The following LNX1 variants were observed in gnomAD, a reference collection of about 807,000 sequenced individuals.
The protein encoded by LNX1 is ligand of numb-protein X 1.
In LNX1, 54 loss-of-function variants were observed where a neutral mutation model predicts 68.4. That is an observed-to-expected ratio of 0.79 (90% CI 0.63 to 0.99). The LOEUF is 0.99. Ranked by LOEUF, LNX1 falls within the 50% of genes least tolerant of loss-of-function variation. The pLI is 0.00. For synonymous variants in LNX1, 336 were observed against 350.0 expected, an observed-to-expected ratio of 0.96 and a Z score of 0.45; for missense variants, 906 against 926.4, an observed-to-expected ratio of 0.98 and a Z score of 0.29.
intron 2 of LNX1, among the ~76,000 whole-genome samples, chr4:53,571,509 C>T (rs1433788922): frequency 1.3e-5 from 2 of 151,818 alleles, no homozygotes; most frequent in South Asian, 2.1e-4. Flanking sequence ...GAGGAGGCCA[C>T]GAGCCAAGGA....
chr4:53,596,340 T>G (rs975005792), upstream of LNX1, among the ~76,000 whole-genome samples: 2 of 152,196 alleles, frequency 1.3e-5, no homozygotes, highest in Non-Finnish European at 1.5e-5. Flanking sequence ...GTTTGTGTGC[T>G]TTTGGGGAGA....
At chr4:53,575,977 A>C in intron 1 of LNX1, 1 of 1,561,208 alleles carries the variant, frequency 6.4e-7, no homozygotes, top group Non-Finnish European at 8.6e-7. Flanking sequence ...ACTGGCAGGC[A>C]TGCACACGCT....
intron 6 of LNX1, among the ~76,000 whole-genome samples, chr4:53,492,954 A>G (rs1411887413): frequency 6.6e-6 from 1 of 152,054 alleles, no homozygotes; most frequent in Admixed American, 6.6e-5. Flanking sequence ...GATGGCATAC[A>G]CCTCAGAAGG....
intron 2 of LNX1, among the ~76,000 whole-genome samples, chr4:53,567,200 C>T (rs1401175041): frequency 6.9e-6 from 1 of 144,818 alleles, no homozygotes; most frequent in Non-Finnish European, 1.5e-5. Flanking sequence ...ACATTTTTTT[C>T]AGCACCACAC....
intron 9 of LNX1, 30 bp downstream of exon 9, chr4:53,476,723 C>G (rs1470708492): frequency 1.3e-6 from 2 of 1,575,680 alleles, no homozygotes; most frequent in African/African-American, 2.7e-5. Context: ...TTCTCCCACG[C>G]CCCTACAGGG....
intron 2 of LNX1, among the ~76,000 whole-genome samples, chr4:53,606,836 A>G (rs1733254868): frequency 1.3e-5 from 2 of 152,246 alleles, no homozygotes; most frequent in South Asian, 4.1e-4. Context: ...CATCACATAA[A>G]CATAACTAAA....
At chr4:53,620,137 T>C (rs1269527762), upstream of LNX1, among the ~76,000 whole-genome samples, 1 of 152,208 alleles carries the variant, frequency 6.6e-6, no homozygotes, top group Admixed American at 6.5e-5. Flanking sequence ...CTACAAATAA[T>C]TAATATTAAT....
intron 1 of LNX1, among the ~76,000 whole-genome samples, chr4:53,650,170 C>T (rs1735041263): frequency 6.6e-6 from 1 of 152,118 alleles, no homozygotes; most frequent in African/African-American, 2.4e-5. Context: ...CAGCTTTGTC[C>T]CCCATCAAAG....
intron 6 of LNX1, among the ~76,000 whole-genome samples, chr4:53,495,822 G>A (rs1301584894): frequency 6.6e-6 from 1 of 152,208 alleles, no homozygotes; most frequent in Non-Finnish European, 1.5e-5. Flanking sequence ...GGGATTACAG[G>A]CATGGGCCAC....
chr4:53,589,465 C>G (rs1732373568), intron 1 of LNX1, among the ~76,000 whole-genome samples: 1 of 152,216 alleles, frequency 6.6e-6, no homozygotes, highest in Non-Finnish European at 1.5e-5. Context: ...GAGTCAGACT[C>G]TCTCCTCCAA....
chr4:53,612,703 G>A (rs548489548), intron 2 of LNX1, among the ~76,000 whole-genome samples: 1 of 81,098 alleles, frequency 1.2e-5, no homozygotes, highest in Non-Finnish European at 2.7e-5. Context: ...GCTAATTTTT[G>A]TATTTTTTTT....
intron 1 of LNX1, among the ~76,000 whole-genome samples, chr4:53,649,003 G>A (rs1430370476): frequency 6.6e-6 from 1 of 152,100 alleles, no homozygotes; most frequent in Admixed American, 6.5e-5. Context: ...GCAATGCTGG[G>A]ACCTTTGGAG....
At chr4:53,632,381 T>G (rs1734311755) in intron 1 of LNX1, among the ~76,000 whole-genome samples, 1 of 152,166 alleles carries the variant, frequency 6.6e-6, no homozygotes, top group Non-Finnish European at 1.5e-5. Context: ...TGCTGATGGC[T>G]TATGGCTGCC....
intron 2 of LNX1, among the ~76,000 whole-genome samples, chr4:53,570,332 C>G (rs1327629939): frequency 2.7e-5 from 4 of 149,496 alleles, no homozygotes; most frequent in Admixed American, 6.7e-5. Flanking sequence ...TACTATGTAG[C>G]CATAAAAAAT....
At chr4:53,618,321 C>G (rs1322559791), upstream of LNX1, among the ~76,000 whole-genome samples, 1 of 152,190 alleles carries the variant, frequency 6.6e-6, no homozygotes, top group African/African-American at 2.4e-5. Flanking sequence ...AAAATTATGC[C>G]TTAAAAATTC....
intron 2 of LNX1, among the ~76,000 whole-genome samples, chr4:53,566,355 A>C (rs1730690515): frequency 6.6e-6 from 1 of 151,970 alleles, no homozygotes; most frequent in Non-Finnish European, 1.5e-5. Flanking sequence ...AACATTCTTA[A>C]AGAAAAGAAT....
At chr4:53,542,897 T>C (rs1002106138) in intron 2 of LNX1, among the ~76,000 whole-genome samples, 1 of 152,200 alleles carries the variant, frequency 6.6e-6, no homozygotes, top group African/African-American at 2.4e-5. Flanking sequence ...TAGAGGGAAC[T>C]GATGGTCATG....
At chr4:53,524,098 G>A (rs115507348) in intron 2 of LNX1, 1 of 152,226 alleles carries the variant, frequency 6.6e-6, no homozygotes, top group East Asian at 1.9e-4. Flanking sequence ...TTCTCTTACT[G>A]TTAATAGTAT....
At chr4:53,474,456 C>T (rs974313474) in intron 9 of LNX1, among the ~76,000 whole-genome samples, 1 of 152,186 alleles carries the variant, frequency 6.6e-6, no homozygotes, top group Non-Finnish European at 1.5e-5. Context: ...CTGCGTGGCC[C>T]TCAAAGCCTA....
Sources: gnomAD v4.1 joint callset for allele counts (sites outside exome capture counted in the v4.1 genomes callset) on GRCh38, gnomAD v4.1.1 for gene constraint, MANE v1.5 for transcripts, NCBI Gene and HGNC (gene_info 2026-07-23, HGNC 2026-07-21) for gene names.